KLF17: variants seen among roughly 807,000 people sequenced by gnomAD.
KLF17 encodes the protein KLF transcription factor 17.
A neutral mutation model predicts 34.2 loss-of-function variants in KLF17; 31 were observed. The observed-to-expected ratio is 0.91, with a 90% CI of 0.68 to 1.22. The LOEUF (loss-of-function observed/expected upper bound fraction) is 1.22, where lower values mean the gene tolerates loss of function less well. Among genes scored for constraint, KLF17 ranks in the 50% most tolerant of loss-of-function variants. The pLI is 0.00. For missense variants in KLF17, 478 were observed against 505.2 expected, an observed-to-expected ratio of 0.95 and a Z score of 0.52; for synonymous variants, 179 against 186.7, an observed-to-expected ratio of 0.96 and a Z score of 0.34.
the KLF17 span, among the ~76,000 whole-genome samples, chr1:44,053,497 C>T: frequency 1.3e-5 from 2 of 152,130 alleles, no homozygotes; most frequent in African/African-American, 2.4e-5. Context: ...CAGAATTCCA[C>T]CTCAAAGTCA....
chr1:44,079,307 C>CTTTTTT, the KLF17 span, among the ~76,000 whole-genome samples: 1 of 140,902 alleles, frequency 7.1e-6, no homozygotes, highest in African/African-American at 2.6e-5. Flanking sequence ...TTTTCTTCTC[C>CTTTTTT]TTTTTTTTTT....
At chr1:44,084,905 C>A in the KLF17 span, among the ~76,000 whole-genome samples, 1 of 144,250 alleles carries the variant, frequency 6.9e-6, no homozygotes, top group African/African-American at 2.6e-5. Flanking sequence ...GAGACCCTGT[C>A]CCTAGAAAAA....
chr1:44,106,084 C>A, the KLF17 span, among the ~76,000 whole-genome samples: 1 of 151,966 alleles, frequency 6.6e-6, no homozygotes, highest in African/African-American at 2.4e-5. Context: ...GTTTCCTACC[C>A]GAGTGTTGAC....
chr1:44,066,894 G>A, the KLF17 span, among the ~76,000 whole-genome samples: 5 of 152,050 alleles, frequency 3.3e-5, no homozygotes, highest in Admixed American at 2.6e-4. Flanking sequence ...ACATAATTTT[G>A]AGCAATAAAG....
chr1:44,069,315 A>G, the KLF17 span, among the ~76,000 whole-genome samples: 1 of 152,126 alleles, frequency 6.6e-6, no homozygotes, highest in Non-Finnish European at 1.5e-5. The surrounding 1 kb of genome is among the most constrained non-coding windows in gnomAD (Gnocchi z 4.7). Context: ...TTGCTTTGCT[A>G]TGAAGAAATA....
chr1:44,083,834 C>A, the KLF17 span, among the ~76,000 whole-genome samples: 2 of 150,770 alleles, frequency 1.3e-5, no homozygotes, highest in African/African-American at 2.4e-5. Context: ...AGCTGCCATG[C>A]CCCTGAGGCA....
At chr1:44,125,090 A>G (rs1338461526) in intron 1 of KLF17, among the ~76,000 whole-genome samples, 2 of 152,238 alleles carry the variant, frequency 1.3e-5, no homozygotes, top group African/African-American at 4.8e-5. Context: ...TCACTTTTAC[A>G]ATTGTCCATA....
the KLF17 span, among the ~76,000 whole-genome samples, chr1:44,066,005 C>G: frequency 1.3e-3 from 196 of 152,218 alleles, no homozygotes; most frequent in African/African-American, 4.6e-3. Flanking sequence ...TCATTTACAT[C>G]CATTCAATTG....
chr1:44,094,689 C>A, the KLF17 span, among the ~76,000 whole-genome samples: 1 of 152,074 alleles, frequency 6.6e-6, no homozygotes, highest in African/African-American at 2.4e-5. Context: ...CTATTCTGTT[C>A]CACTGGGCAA....
the KLF17 span, among the ~76,000 whole-genome samples, chr1:44,112,539 G>A: frequency 6.6e-6 from 1 of 152,100 alleles, no homozygotes; most frequent in Non-Finnish European, 1.5e-5. Flanking sequence ...CCAAGTACTA[G>A]GACTACAGGC....
At chr1:44,061,734 G>A in the KLF17 span, among the ~76,000 whole-genome samples, 3 of 152,082 alleles carry the variant, frequency 2.0e-5, no homozygotes, top group Admixed American at 2.0e-4. Flanking sequence ...CCTGGCCAAC[G>A]TGGTGAAATC....
At chr1:44,071,917 C>A in the KLF17 span, among the ~76,000 whole-genome samples, 8 of 152,080 alleles carry the variant, frequency 5.3e-5, no homozygotes, top group Admixed American at 4.6e-4. Flanking sequence ...CCCCTCCACC[C>A]CCATCACACT....
At chr1:44,069,608 G>T in the KLF17 span, among the ~76,000 whole-genome samples, 1 of 152,136 alleles carries the variant, frequency 6.6e-6, no homozygotes, top group Admixed American at 6.5e-5. This position sits in a 1 kb window ranked among gnomAD's most constrained non-coding sequence, Gnocchi z 4.7. Flanking sequence ...AGCCATTCAT[G>T]AGGGATCCGC....
chr1:44,060,522 C>A, the KLF17 span, among the ~76,000 whole-genome samples: 91 of 152,290 alleles, frequency 6.0e-4, 1 homozygote, highest in African/African-American at 2.1e-3. Flanking sequence ...ACCCTTGCCC[C>A]TCCAGGGGTC....
chr1:44,069,197 G>T, the KLF17 span, among the ~76,000 whole-genome samples: 10 of 152,282 alleles, frequency 6.6e-5, no homozygotes, highest in African/African-American at 2.4e-4. The surrounding 1 kb of genome is among the most constrained non-coding windows in gnomAD (Gnocchi z 4.7). Flanking sequence ...CAGGATAGGG[G>T]TGGGGGTTCA....
At chr1:44,083,717 A>G in the KLF17 span, among the ~76,000 whole-genome samples, 2 of 146,558 alleles carry the variant, frequency 1.4e-5, no homozygotes, top group Non-Finnish European at 3.0e-5. Flanking sequence ...TCCTTTGAAG[A>G]CGGGAGTTGG....
At chr1:44,104,273 G>A in the KLF17 span, 2 of 1,259,180 alleles carry the variant, frequency 1.6e-6, no homozygotes, top group Non-Finnish European at 1.1e-6. Context: ...GCCCCTGCGT[G>A]TTGCCAAGCT....
the KLF17 span, among the ~76,000 whole-genome samples, chr1:44,099,864 A>AGAAG: frequency 1.6e-5 from 1 of 62,194 alleles, no homozygotes; most frequent in South Asian, 6.6e-4. Flanking sequence ...AAAGAAAGAA[A>AGAAG]GAAAGAAAGA....
rs529840932 is a variant in KLF17, at chr1:44,130,986, G to A, written c.*230G>A. Among the ~76,000 whole-genome samples, 18 of 152,144 alleles carry A rather than the reference G, an allele frequency of 1.2e-4. No homozygotes were observed. In the East Asian group the frequency reaches 1.7e-3, roughly 15 times the overall value. ...AATTTTTTGTATTTTTAGTAGAGAC[G>A]GGGTTTCACTGTGTTAGCCAGGATG... On this transcript the variant is annotated intron_variant, in intron 3 of 3. Coordinates refer to ENST00000372299, the MANE Select transcript of KLF17 (RefSeq NM_173484.4).
Sources: allele counts gnomAD v4.1 joint callset (sites outside exome capture counted in the v4.1 genomes callset), GRCh38; gene constraint gnomAD v4.1.1; non-coding constraint Gnocchi (gnomAD v3.1); transcripts MANE v1.5; gene names NCBI Gene and HGNC (gene_info 2026-07-23, HGNC 2026-07-21).